The following FHIT variants were observed in gnomAD, a reference collection of about 807,000 sequenced individuals.
The protein encoded by FHIT is bis(5'-adenosyl)-triphosphatase.
A neutral mutation model predicts 17.9 loss-of-function variants in FHIT; 19 were observed. The ratio of observed to expected loss-of-function variants is 1.06; its 90% CI spans 0.74 to 1.56. FHIT has a LOEUF of 1.56. Among genes scored for constraint, FHIT ranks in the 40% most tolerant of loss-of-function variants. The pLI is 0.00. For missense variants in FHIT, 248 were observed against 189.2 expected, an observed-to-expected ratio of 1.31 and a Z score of -1.82; for synonymous variants, 81 against 69.7, an observed-to-expected ratio of 1.16 and a Z score of -0.81.
rs1286479681 is a variant in FHIT, at chr3:60,067,886, A to G, written c.104-53734T>C. Among the ~76,000 whole-genome samples the G allele has an allele frequency of 2.0e-5, 3 of 152,186 alleles. No homozygotes were observed. The East Asian group carries it at 5.8e-4, about 29-fold the overall frequency. ...GGGCAATAACTAAAATGGTTTGAGG[A>G]GCCTCAAGTGTAGTTTCAATGGTTT... On this transcript the variant is annotated intron_variant, in intron 5 of 9. Coordinates refer to ENST00000492590, the MANE Select transcript of FHIT (RefSeq NM_002012.4).
chr3:60,069,718 C>G (rs1702681454), intron 5 of FHIT, among the ~76,000 whole-genome samples: 1 of 152,118 alleles, frequency 6.6e-6, no homozygotes, highest in Non-Finnish European at 1.5e-5. Flanking sequence ...AGAGCATTCC[C>G]TGCCTATCAA....
intron 3 of FHIT, among the ~76,000 whole-genome samples, chr3:61,003,838 A>C (rs922576857): frequency 6.6e-6 from 1 of 152,280 alleles, no homozygotes; most frequent in African/African-American, 2.4e-5. Flanking sequence ...ATGCTAAAGA[A>C]GAGAAATCTG....
At chr3:60,903,813 A>T (rs1559815550) in intron 3 of FHIT, among the ~76,000 whole-genome samples, 2 of 152,340 alleles carry the variant, frequency 1.3e-5, no homozygotes, top group East Asian at 3.9e-4. Flanking sequence ...TGGCTCCAAG[A>T]ATTGGACTGC....
intron 5 of FHIT, among the ~76,000 whole-genome samples, chr3:60,418,973 G>C (rs2687188): frequency 0.027 from 4,111 of 152,186 alleles, 97 homozygotes; most frequent in African/African-American, 0.06. Flanking sequence ...AAGCAATCTG[G>C]TTCTGCCTTT....
intron 5 of FHIT, among the ~76,000 whole-genome samples, chr3:60,179,826 T>C (rs1264734842): frequency 2.0e-5 from 3 of 152,158 alleles, no homozygotes; most frequent in African/African-American, 7.2e-5. Context: ...TTGGTCTCTC[T>C]AAACGGGTTC....
intron 8 of FHIT, among the ~76,000 whole-genome samples, chr3:59,761,579 C>G (rs981850083): frequency 2.6e-5 from 4 of 152,050 alleles, no homozygotes; most frequent in South Asian, 2.1e-4. Flanking sequence ...ACAGAAGATC[C>G]CTGCTTGCAG....
At chr3:60,890,116 G>C (rs1454687965) in intron 3 of FHIT, among the ~76,000 whole-genome samples, 1 of 151,144 alleles carries the variant, frequency 6.6e-6, no homozygotes, top group Non-Finnish European at 1.5e-5. Flanking sequence ...GACTTGCTAT[G>C]GCCCATTGAG....
chr3:60,334,686 C>A (rs1479913834), intron 5 of FHIT, among the ~76,000 whole-genome samples: 1 of 152,132 alleles, frequency 6.6e-6, no homozygotes, highest in Non-Finnish European at 1.5e-5. Context: ...ACATGGGAGG[C>A]TGAGAAAGGA....
Position 60,856,503 on chromosome 3 carries a change from G to C in FHIT, c.-110-34492C>G, listed in dbSNP as rs564004584. ...CACCAAGAACGAGCTTCGTGCTCGG[G>C]AGAGAACATTGCATATCTTCCTGTG... On this transcript the variant is annotated intron_variant, in intron 3 of 9. Coordinates refer to ENST00000492590, the MANE Select transcript of FHIT (RefSeq NM_002012.4). The C allele has an allele frequency of 2.6e-5, 4 of 152,260 alleles. No homozygotes were observed. The East Asian group carries it at 7.7e-4, about 29-fold the overall frequency. The allele number at this position is 152,260 out of a possible 1,614,324, so 9.4% of individuals were successfully genotyped here.
chr3:60,921,280 A>G (rs1553768284), intron 3 of FHIT, among the ~76,000 whole-genome samples: 1 of 152,214 alleles, frequency 6.6e-6, no homozygotes, highest in East Asian at 1.9e-4. Context: ...AGCACTGACT[A>G]TATGCTGGTA....
At chr3:59,875,927 C>T (rs977342043) in intron 8 of FHIT, among the ~76,000 whole-genome samples, 3 of 145,496 alleles carry the variant, frequency 2.1e-5, no homozygotes, top group Non-Finnish European at 3.0e-5. Context: ...AGAAACAACT[C>T]GTCTGTTTGA....
chr3:59,965,047 T>G (rs1707858987), intron 7 of FHIT, among the ~76,000 whole-genome samples: 1 of 152,170 alleles, frequency 6.6e-6, no homozygotes, highest in South Asian at 2.1e-4. Flanking sequence ...AAAACACTTG[T>G]GGCCCTCTGC....
chr3:60,906,786 G>C (rs189219715), intron 3 of FHIT, among the ~76,000 whole-genome samples: 88 of 152,222 alleles, frequency 5.8e-4, no homozygotes, highest in African/African-American at 1.9e-3. Flanking sequence ...TTTTTTGTAG[G>C]TATGCTGTAT....
chr3:60,215,191 CATTCAAT>C, intron 5 of FHIT, among the ~76,000 whole-genome samples: 1 of 152,126 alleles, frequency 6.6e-6, no homozygotes, highest in East Asian at 1.9e-4. Context: ...AAAAGTAATT[CATTCAAT>C]TAAAAAAAAT....
intron 2 of FHIT, among the ~76,000 whole-genome samples, chr3:61,046,698 C>CTT (rs1559938204): frequency 6.6e-6 from 1 of 152,008 alleles, no homozygotes; most frequent in Non-Finnish European, 1.5e-5. Context: ...AAAAAAGAGA[C>CTT]TTTTAGACCA....
intron 4 of FHIT, among the ~76,000 whole-genome samples, chr3:60,662,462 G>A (rs879992262): frequency 6.6e-6 from 1 of 152,122 alleles, no homozygotes; most frequent in South Asian, 2.1e-4. Flanking sequence ...ATAGTTTGAA[G>A]TTGGGTAATG....
chr3:60,588,491 G>A (rs1399301352), intron 4 of FHIT, among the ~76,000 whole-genome samples: 1 of 151,892 alleles, frequency 6.6e-6, no homozygotes, highest in Non-Finnish European at 1.5e-5. Flanking sequence ...AGGAGGGAGA[G>A]AGGAATGGAA....
chr3:61,106,801 C>T (rs1222671014), intron 2 of FHIT, among the ~76,000 whole-genome samples: 2 of 152,132 alleles, frequency 1.3e-5, no homozygotes, highest in African/African-American at 2.4e-5. Flanking sequence ...GCTGGGACTA[C>T]CGGCATGAGC....
At chr3:60,986,124 TTTGCCATAAGAGG>T (rs1485347866) in intron 3 of FHIT, among the ~76,000 whole-genome samples, 2 of 152,206 alleles carry the variant, frequency 1.3e-5, no homozygotes, top group African/African-American at 4.8e-5. Flanking sequence ...TGAAGTCCCT[TTTGCCATAAGAGG>T]TAACTTAGGC....
Sources: allele counts gnomAD v4.1 joint callset (sites outside exome capture counted in the v4.1 genomes callset), GRCh38; gene constraint gnomAD v4.1.1; transcripts MANE v1.5; gene names NCBI Gene and HGNC (gene_info 2026-07-23, HGNC 2026-07-21).